The following ENTREP2 variants were observed in gnomAD, a reference collection of about 807,000 sequenced individuals.
ENTREP2 encodes the protein protein ENTREP2.
At chr15:29,148,208 A>G in the ENTREP2 span, among the ~76,000 whole-genome samples, 1 of 152,180 alleles carries the variant, frequency 6.6e-6, no homozygotes, top group Non-Finnish European at 1.5e-5. Flanking sequence ...AATGTTCTAA[A>G]ATGGATTGTG....
At chr15:29,338,744 T>C in the ENTREP2 span, among the ~76,000 whole-genome samples, 6 of 152,228 alleles carry the variant, frequency 3.9e-5, no homozygotes, top group African/African-American at 1.4e-4. Context: ...GGGAGTAAAC[T>C]GGTTTTCTTT....
At chr15:29,137,305 C>T in the ENTREP2 span, 1 of 1,009,228 alleles carries the variant, frequency 9.9e-7, no homozygotes, top group Non-Finnish European at 1.4e-6. Flanking sequence ...CCTGTAATTT[C>T]AACTGTCAAG....
the ENTREP2 span, among the ~76,000 whole-genome samples, chr15:29,514,611 TG>T: frequency 1.3e-5 from 2 of 152,208 alleles, no homozygotes; most frequent in Non-Finnish European, 2.9e-5. Flanking sequence ...TCCTTTCCTC[TG>T]CAGCCCTCTG....
chr15:29,538,815 A>AT, the ENTREP2 span, among the ~76,000 whole-genome samples: 1 of 151,800 alleles, frequency 6.6e-6, no homozygotes, highest in South Asian at 2.1e-4. Context: ...TCTCAAAAAA[A>AT]AAAAATCTTT....
chr15:29,559,820 T>C, the ENTREP2 span, among the ~76,000 whole-genome samples: 1 of 152,156 alleles, frequency 6.6e-6, no homozygotes, highest in Non-Finnish European at 1.5e-5. Context: ...GCAAAGTCCC[T>C]TTTTGCCATG....
chr15:29,383,895 C>G, the ENTREP2 span, among the ~76,000 whole-genome samples: 1 of 152,174 alleles, frequency 6.6e-6, no homozygotes, highest in Non-Finnish European at 1.5e-5. Context: ...CAGTTACCGG[C>G]GACAGACATT....
chr15:29,615,159 CTT>C, the ENTREP2 span, among the ~76,000 whole-genome samples: 15 of 142,256 alleles, frequency 1.1e-4, no homozygotes, highest in Admixed American at 2.8e-4. Context: ...ATTTTTTTTT[CTT>C]TTTTTTTTTT....
chr15:29,636,994 G>T, the ENTREP2 span, among the ~76,000 whole-genome samples: 1 of 149,176 alleles, frequency 6.7e-6, no homozygotes, highest in East Asian at 1.9e-4. Context: ...ACATAAACAT[G>T]GTTTAAACAT....
the ENTREP2 span, among the ~76,000 whole-genome samples, chr15:29,166,745 C>A: frequency 1.3e-5 from 2 of 152,146 alleles, no homozygotes; most frequent in Non-Finnish European, 2.9e-5. Context: ...ACCATACCAG[C>A]AAAAGCAATC....
chr15:29,538,638 C>CAAAAAAAAAAAAA, the ENTREP2 span, among the ~76,000 whole-genome samples: 1 of 78,994 alleles, frequency 1.3e-5, no homozygotes, highest in Non-Finnish European at 2.5e-5. Context: ...ACTAAAAATA[C>CAAAAAAAAAAAAA]AAAAAAAAAA....
the ENTREP2 span, among the ~76,000 whole-genome samples, chr15:29,173,074 A>G: frequency 3.9e-5 from 6 of 152,044 alleles, no homozygotes; most frequent in Non-Finnish European, 8.8e-5. Flanking sequence ...CCAAGTACAC[A>G]TCGTGCTACC....
the ENTREP2 span, among the ~76,000 whole-genome samples, chr15:29,366,143 G>T: frequency 6.6e-6 from 1 of 152,192 alleles, no homozygotes; most frequent in African/African-American, 2.4e-5. Context: ...GCATGATCTT[G>T]ATTCACTGCA....
the ENTREP2 span, among the ~76,000 whole-genome samples, chr15:29,155,764 C>T: frequency 2.0e-5 from 3 of 152,196 alleles, no homozygotes; most frequent in Non-Finnish European, 4.4e-5. Context: ...ATCACCCACC[C>T]CTCAGGGATC....
At chr15:29,635,361 G>A in the ENTREP2 span, among the ~76,000 whole-genome samples, 3 of 152,154 alleles carry the variant, frequency 2.0e-5, no homozygotes, top group East Asian at 5.8e-4. Flanking sequence ...AGGATTTCAA[G>A]AGTCATGTGC....
At chr15:29,416,566 C>A in the ENTREP2 span, among the ~76,000 whole-genome samples, 1 of 152,068 alleles carries the variant, frequency 6.6e-6, no homozygotes, top group Non-Finnish European at 1.5e-5. Flanking sequence ...CTAGGCAATA[C>A]CATTCAGGAC....
chr15:29,570,819 G>T, the ENTREP2 span: 1 of 401,228 alleles, frequency 2.5e-6, no homozygotes, highest in Non-Finnish European at 3.3e-6. Context: ...TGCGCCGGGT[G>T]CAGGGACGGC....
the ENTREP2 span, among the ~76,000 whole-genome samples, chr15:29,233,494 T>C: frequency 3.9e-5 from 6 of 152,126 alleles, no homozygotes; most frequent in Admixed American, 3.9e-4. Flanking sequence ...GGGTCAAAGG[T>C]AGAAATTAGC....
chr15:29,517,365 C>T, the ENTREP2 span, among the ~76,000 whole-genome samples: 1 of 152,178 alleles, frequency 6.6e-6, no homozygotes, highest in African/African-American at 2.4e-5. Flanking sequence ...AACTGAGTCA[C>T]AGCAAGTTTG....
At chr15:29,137,671 C>T in the ENTREP2 span, among the ~76,000 whole-genome samples, 1 of 152,082 alleles carries the variant, frequency 6.6e-6, no homozygotes, top group Non-Finnish European at 1.5e-5. Flanking sequence ...CCCGTCTCTA[C>T]TAAAAATACA....
Sources: allele counts gnomAD v4.1 joint callset (sites outside exome capture counted in the v4.1 genomes callset), GRCh38; gene constraint gnomAD v4.1.1; transcripts MANE v1.5; gene names NCBI Gene and HGNC (gene_info 2026-07-23, HGNC 2026-07-21).